The following RPRD1B variants were observed in gnomAD, a reference collection of about 807,000 sequenced individuals.
RPRD1B encodes the protein regulation of nuclear pre-mRNA domain-containing protein 1B.
A neutral mutation model predicts 41.5 loss-of-function variants in RPRD1B; 11 were observed. The ratio of observed to expected loss-of-function variants is 0.27; its 90% CI spans 0.17 to 0.44. The LOEUF (loss-of-function observed/expected upper bound fraction) is 0.44, where lower values mean the gene tolerates loss of function less well. Ranked by LOEUF, RPRD1B falls within the 20% of genes least tolerant of loss-of-function variation. The pLI, the probability that RPRD1B is intolerant of heterozygous loss-of-function variation, is 1.00. For missense variants in RPRD1B, 248 were observed against 389.9 expected, an observed-to-expected ratio of 0.64 and a Z score of 3.06; for synonymous variants, 158 against 155.6, an observed-to-expected ratio of 1.02 and a Z score of -0.12.
intron 1 of RPRD1B, among the ~76,000 whole-genome samples, chr20:38,038,341 C>T (rs954488734): frequency 6.8e-6 from 1 of 147,054 alleles, no homozygotes; most frequent in Admixed American, 6.8e-5. Context: ...GAGTCTCTTA[C>T]TCTGTCACCC....
chr20:38,082,539 T>C (rs1364032877), intron 6 of RPRD1B, among the ~76,000 whole-genome samples: 2 of 152,108 alleles, frequency 1.3e-5, no homozygotes, highest in Non-Finnish European at 2.9e-5. Flanking sequence ...AGGCACCTGC[T>C]ACCATGCCTG....
chr20:38,079,823 T>A (rs961425777), intron 6 of RPRD1B, among the ~76,000 whole-genome samples: 2 of 152,244 alleles, frequency 1.3e-5, no homozygotes, highest in African/African-American at 4.8e-5. Flanking sequence ...GTAGCTGAAC[T>A]AATTTACATT....
chr20:38,073,301 C>T (rs1224433288), intron 6 of RPRD1B, among the ~76,000 whole-genome samples: 1 of 152,208 alleles, frequency 6.6e-6, no homozygotes, highest in Admixed American at 6.5e-5. Flanking sequence ...TACCCCTGCT[C>T]ACGCTCTTGC....
chr20:38,055,638 G>A (rs1305430046), intron 3 of RPRD1B, among the ~76,000 whole-genome samples: 1 of 152,084 alleles, frequency 6.6e-6, no homozygotes, highest in Non-Finnish European at 1.5e-5. Flanking sequence ...ATGCCATTGG[G>A]ATTTCAGTTC....
At chr20:38,061,283 C>G (rs1441010505) in intron 5 of RPRD1B, among the ~76,000 whole-genome samples, 2 of 152,208 alleles carry the variant, frequency 1.3e-5, no homozygotes, top group African/African-American at 4.8e-5. Context: ...AATAACTCAT[C>G]ATTTTTCACT....
In RPRD1B at chr20:38,091,230, A is replaced by G; in HGVS notation, c.*1355A>G. The G allele has an allele frequency of 1.0e-6, 1 of 985,848 alleles. No homozygotes were observed. The highest frequency in any genetic ancestry group is 1.2e-6 in the Non-Finnish European group (1 of 829,928). The allele number at this position is 985,848 out of a possible 1,614,324, so 61.1% of individuals were successfully genotyped here. On this transcript the variant is annotated 3_prime_UTR_variant, in exon 7 of 7. Coordinates refer to ENST00000373433, the MANE Select transcript of RPRD1B (RefSeq NM_021215.4). ...TGAAACCCAAACTATATAAAAAGGA[A>G]TTCAGTGGAGGGGGCTTTGTAATCT...
At chr20:38,077,223 C>CTT (rs2074471605) in intron 6 of RPRD1B, among the ~76,000 whole-genome samples, 1 of 151,970 alleles carries the variant, frequency 6.6e-6, no homozygotes, top group Admixed American at 6.6e-5. Context: ...AGGCCTGGAC[C>CTT]TTTTCCTTGA....
chr20:38,087,686 T>C (rs549699084), intron 6 of RPRD1B, among the ~76,000 whole-genome samples: 1 of 152,346 alleles, frequency 6.6e-6, no homozygotes, highest in East Asian at 1.9e-4. Flanking sequence ...TTTATATTAA[T>C]TTCCCTTGAA....
chr20:38,067,590 T>C (rs2074370368), intron 6 of RPRD1B, among the ~76,000 whole-genome samples: 1 of 152,220 alleles, frequency 6.6e-6, no homozygotes, highest in African/African-American at 2.4e-5. Context: ...TACCGTATCC[T>C]TACCTGCAGT....
chr20:38,075,858 G>T (rs1259777761), intron 6 of RPRD1B, among the ~76,000 whole-genome samples: 2 of 152,174 alleles, frequency 1.3e-5, no homozygotes, highest in South Asian at 2.1e-4. Flanking sequence ...TGTCATGATG[G>T]CTGTGCAAGC....
intron 6 of RPRD1B, among the ~76,000 whole-genome samples, chr20:38,077,528 GCCTCT>G (rs1203183782): frequency 6.6e-6 from 1 of 151,886 alleles, no homozygotes; most frequent in Admixed American, 6.5e-5. Context: ...CCTTGTCACA[GCCTCT>G]CCCTCAGTTC....
At chr20:38,086,110 T>C (rs751102028) in intron 6 of RPRD1B, among the ~76,000 whole-genome samples, 23 of 152,132 alleles carry the variant, frequency 1.5e-4, no homozygotes, top group Non-Finnish European at 3.4e-4. Context: ...CCACCTTGTC[T>C]AGCCTGGAGT....
chr20:38,075,567 T>TA (rs2074451284), intron 6 of RPRD1B, among the ~76,000 whole-genome samples: 1 of 152,242 alleles, frequency 6.6e-6, no homozygotes, highest in Admixed American at 6.5e-5. Flanking sequence ...TGAATGTTCT[T>TA]ACTACTGTTA....
At chr20:38,058,509 TG>T (rs1211502780) in intron 4 of RPRD1B, among the ~76,000 whole-genome samples, 3 of 152,154 alleles carry the variant, frequency 2.0e-5, no homozygotes, top group African/African-American at 7.2e-5. Context: ...GATTATGGAG[TG>T]GCCTGTTAGC....
At chr20:38,050,440 T>A (rs1203023073) in intron 3 of RPRD1B, among the ~76,000 whole-genome samples, 1 of 152,212 alleles carries the variant, frequency 6.6e-6, no homozygotes, top group African/African-American at 2.4e-5. Flanking sequence ...TCAGTACAGC[T>A]TTGGGGAATT....
intron 5 of RPRD1B, among the ~76,000 whole-genome samples, chr20:38,063,488 G>T (rs2074321145): frequency 6.6e-6 from 1 of 152,208 alleles, no homozygotes; most frequent in Admixed American, 6.5e-5. Context: ...TGGGCATAAA[G>T]CCCGATTGGG....
rs184370558 is a variant in RPRD1B at position 38,036,360 on chromosome 20, A to G, written c.151+2262A>G. ...ATGTACTCAGTGCCTCAATGCATTT[A>G]ATAAGTGAAGGTGGTCACCTGACTG... On this transcript the variant is annotated intron_variant, in intron 1 of 6. Transcript: ENST00000373433. Among the ~76,000 whole-genome samples, 103 of 152,278 alleles carry G rather than the reference A, an allele frequency of 6.8e-4. 1 individual carries two copies. The highest frequency in any genetic ancestry group is 1.0e-4 in the Non-Finnish European group (7 of 68,022).
chr20:38,090,789 A>C lies in RPRD1B; in HGVS notation c.*914A>C. On this transcript the variant is annotated 3_prime_UTR_variant, in exon 7 of 7. Coordinates refer to ENST00000373433, the MANE Select transcript of RPRD1B (RefSeq NM_021215.4). Reference sequence around the variant, plus strand: ...TGTTTCTTGGACCCTTTCTTCTGGGAGTAGGGTACACACTAACGTTTAATC... The same window carrying C: ...TGTTTCTTGGACCCTTTCTTCTGGGCGTAGGGTACACACTAACGTTTAATC... 3.0e-6 allele frequency: 3 copies of C among 985,378 alleles called. No individual in the cohort carries two copies. Among genetic ancestry groups the C allele is most frequent in the Non-Finnish European group, 3.6e-6 (3 of 829,898 alleles). 61.0% of individuals were successfully genotyped at this position (985,378 alleles called of 1,614,324 possible).
chr20:38,088,204 A>G lies in RPRD1B; in HGVS notation c.832-1522A>G, dbSNP rs140742002. ...TTCCCTCCTCTCACTCCTTGCTTGGACTTTTGTCTTTACAACTTGAACTAA... is the reference window on the plus strand; with the variant it reads ...TTCCCTCCTCTCACTCCTTGCTTGGGCTTTTGTCTTTACAACTTGAACTAA... On this transcript the variant is annotated intron_variant, in intron 6 of 6. Coordinates refer to ENST00000373433, the MANE Select transcript of RPRD1B (RefSeq NM_021215.4). Among the ~76,000 whole-genome samples the G allele has an allele frequency of 8.4e-3, 1,271 of 152,106 alleles. 10 individuals carry two copies. Among genetic ancestry groups the G allele is most frequent in the African/African-American group, 0.025 (1,043 of 41,478 alleles).
Sources: gnomAD v4.1 joint callset for allele counts (sites outside exome capture counted in the v4.1 genomes callset) on GRCh38, gnomAD v4.1.1 for gene constraint, MANE v1.5 for transcripts, NCBI Gene and HGNC (gene_info 2026-07-23, HGNC 2026-07-21) for gene names.